The following NLGN1 variants were observed in gnomAD, a reference collection of about 807,000 sequenced individuals.
NLGN1 encodes neuroligin 1.
Under a neutral mutation model 65.5 loss-of-function variants are expected in NLGN1, and 12 were observed. That is an observed-to-expected ratio of 0.18 (90% CI 0.12 to 0.30). The LOEUF (loss-of-function observed/expected upper bound fraction) is 0.30, where lower values mean the gene tolerates loss of function less well. Ranked by LOEUF, NLGN1 falls within the 10% of genes least tolerant of loss-of-function variation. NLGN1 has a pLI of 1.00. For synonymous variants in NLGN1, 350 were observed against 359.5 expected, an observed-to-expected ratio of 0.97 and a Z score of 0.30; for missense variants, 750 against 1,007.1, an observed-to-expected ratio of 0.74 and a Z score of 3.46.
intron 4 of NLGN1, among the ~76,000 whole-genome samples, chr3:174,234,355 C>G (rs1476836197): frequency 6.6e-6 from 1 of 152,104 alleles, no homozygotes; most frequent in Admixed American, 6.5e-5. Context: ...TGATTCTTCC[C>G]TTGGGTTGGG....
chr3:173,453,758 GTTAC>G (rs1279453380), intron 2 of NLGN1, among the ~76,000 whole-genome samples: 1 of 152,150 alleles, frequency 6.6e-6, no homozygotes, highest in Non-Finnish European at 1.5e-5. Context: ...CAGATCTGCA[GTTAC>G]TTCCTCCACT....
chr3:173,734,886 C>T (rs1425531396), intron 3 of NLGN1, among the ~76,000 whole-genome samples: 4 of 152,120 alleles, frequency 2.6e-5, no homozygotes, highest in East Asian at 1.9e-4. Flanking sequence ...GTATTAGCAA[C>T]GGCAGAATAA....
At chr3:173,402,384 G>A (rs556041828) in intron 1 of NLGN1, among the ~76,000 whole-genome samples, 23 of 152,036 alleles carry the variant, frequency 1.5e-4, no homozygotes, top group African/African-American at 4.8e-4. Flanking sequence ...CTGTAAGTTC[G>A]TTGAATGCAA....
At chr3:173,961,232 G>A (rs561575757) in intron 4 of NLGN1, among the ~76,000 whole-genome samples, 16 of 151,952 alleles carry the variant, frequency 1.1e-4, no homozygotes, top group African/African-American at 3.9e-4. Flanking sequence ...ATTCCTTCTT[G>A]CTTTTTTCTC....
chr3:174,101,764 A>G (rs927463535), intron 4 of NLGN1, among the ~76,000 whole-genome samples: 2 of 152,208 alleles, frequency 1.3e-5, no homozygotes, highest in African/African-American at 2.4e-5. Flanking sequence ...GTGACTAGAA[A>G]AATGACTGAC....
intron 4 of NLGN1, among the ~76,000 whole-genome samples, chr3:173,815,109 C>G (rs1442671536): frequency 6.8e-6 from 1 of 146,042 alleles, no homozygotes; most frequent in Non-Finnish European, 1.5e-5. Flanking sequence ...TCCTGCCTTC[C>G]TTCATTCCTT....
chr3:174,056,960 T>C (rs1580049729), intron 4 of NLGN1, among the ~76,000 whole-genome samples: 1 of 152,152 alleles, frequency 6.6e-6, no homozygotes, highest in South Asian at 2.1e-4. Context: ...CACTTGCTGA[T>C]TGACATTTTC....
chr3:173,505,059 C>T (rs982831479), intron 2 of NLGN1, among the ~76,000 whole-genome samples: 7 of 151,886 alleles, frequency 4.6e-5, no homozygotes, highest in African/African-American at 9.7e-5. Context: ...CCCTTGCCCC[C>T]GCCACACACA....
rs535831114 is a variant in NLGN1, at chr3:173,876,328, A to G, written c.646+68496A>G. Among the ~76,000 whole-genome samples, 1,446 of 152,238 alleles carry G rather than the reference A, an allele frequency of 9.5e-3. 23 individuals carry two copies. The highest frequency in any genetic ancestry group is 0.01 in the Non-Finnish European group (698 of 67,978). ...ATATTTATATATCACAGTTTAAAAG[A>G]TTTGGGTATGCTTCATTTTACTTTA... On this transcript the variant is annotated intron_variant, in intron 4 of 6. Coordinates refer to ENST00000457714, the Ensembl canonical transcript of NLGN1.
At chr3:174,190,951 T>C (rs541038112) in intron 4 of NLGN1, among the ~76,000 whole-genome samples, 12 of 152,174 alleles carry the variant, frequency 7.9e-5, no homozygotes, top group South Asian at 4.2e-4. Context: ...AGATCTCTTA[T>C]AGCTGAGGTT....
intron 3 of NLGN1, among the ~76,000 whole-genome samples, chr3:173,745,541 C>T (rs985461952): frequency 3.0e-4 from 46 of 152,008 alleles, no homozygotes; most frequent in African/African-American, 1.0e-3. Flanking sequence ...TACAAACACC[C>T]GTGTAGTATC....
At chr3:173,758,214 A>G (rs1020580736) in intron 3 of NLGN1, among the ~76,000 whole-genome samples, 4 of 152,030 alleles carry the variant, frequency 2.6e-5, no homozygotes, top group Non-Finnish European at 4.4e-5. Context: ...GAGAGCCCTC[A>G]TCAGATATGG....
At chr3:173,483,688 T>C (rs74675809) in intron 2 of NLGN1, among the ~76,000 whole-genome samples, 25,540 of 151,968 alleles carry the variant, frequency 0.17, 2,223 homozygotes, top group Middle Eastern at 0.27. Flanking sequence ...AAAGATTTGC[T>C]GATACATGTA....
chr3:173,909,593 T>G (rs767664886), intron 4 of NLGN1, among the ~76,000 whole-genome samples: 1 of 152,198 alleles, frequency 6.6e-6, no homozygotes, highest in Non-Finnish European at 1.5e-5. Context: ...CACCTTTCAG[T>G]GGTTACATTT....
Position 173,700,189 on chromosome 3 carries a change from C to T in NLGN1, c.493+95098C>T, listed in dbSNP as rs539734119. Among the ~76,000 whole-genome samples, 25 of 152,284 alleles carry T rather than the reference C, an allele frequency of 1.6e-4. No homozygotes were observed. In the East Asian group the frequency reaches 4.2e-3, roughly 26 times the overall value. On this transcript the variant is annotated intron_variant, in intron 3 of 6. Coordinates refer to ENST00000457714, the Ensembl canonical transcript of NLGN1. ...AATATTATTGTTAATTGTATATCTA[C>T]AAAAATTATTGTAAATGCGTTCATA... is the stretch of plus-strand genomic sequence containing the variant.
chr3:174,136,451 A>G (rs1015725219), intron 4 of NLGN1: 3 of 152,102 alleles, frequency 2.0e-5, no homozygotes, highest in Non-Finnish European at 4.4e-5. Flanking sequence ...GAAAATTGAC[A>G]CTTACTGGGT....
At chr3:173,741,625 T>C (rs531267989) in intron 3 of NLGN1, among the ~76,000 whole-genome samples, 5 of 152,226 alleles carry the variant, frequency 3.3e-5, no homozygotes, top group African/African-American at 7.2e-5. Flanking sequence ...TCCAAGTAGC[T>C]GGGATTACAG....
intron 2 of NLGN1, among the ~76,000 whole-genome samples, chr3:173,477,064 T>G (rs534388928): frequency 2.7e-4 from 41 of 152,264 alleles, no homozygotes; most frequent in Middle Eastern, 3.4e-3. Context: ...AATGACCTAG[T>G]GAAATGAGCA....
intron 4 of NLGN1, among the ~76,000 whole-genome samples, chr3:173,886,121 A>G (rs1734285837): frequency 6.6e-6 from 1 of 152,086 alleles, no homozygotes; most frequent in African/African-American, 2.4e-5. Flanking sequence ...AACCACTACC[A>G]ATATTAGTCA....
Sources: gnomAD v4.1 joint callset for allele counts (sites outside exome capture counted in the v4.1 genomes callset) on GRCh38, gnomAD v4.1.1 for gene constraint, MANE v1.5 for transcripts, NCBI Gene and HGNC (gene_info 2026-07-23, HGNC 2026-07-21) for gene names.